The following PTPRN2 variants were observed in gnomAD, a reference collection of about 807,000 sequenced individuals.
PTPRN2 encodes protein tyrosine phosphatase receptor type N2.
In PTPRN2, 74 loss-of-function variants were observed where a neutral mutation model predicts 118.8. The observed-to-expected ratio is 0.62, with a 90% CI of 0.52 to 0.76. PTPRN2 has a LOEUF of 0.76. PTPRN2 is among the 30% of genes least tolerant of loss of function. The probability of loss-of-function intolerance (pLI) is 0.00; values close to 1 mark genes in which losing one functional copy is unlikely to be tolerated. For missense variants in PTPRN2, 1,481 were observed against 1,394.4 expected (o/e 1.06, Z -0.99); for synonymous variants, 641 against 608.0 (o/e 1.05, Z -0.80).
chr7:157,712,751 C>CAA lies in PTPRN2; in HGVS notation c.1789-29816_1789-29815dup, dbSNP rs755055515. Among the ~76,000 whole-genome samples, 542 of 89,484 alleles carry CAA rather than the reference C, an allele frequency of 6.1e-3. 4 individuals are homozygous for CAA. The highest frequency in any genetic ancestry group is 0.023 in the African/African-American group (479 of 21,240). 58.7% of individuals were successfully genotyped at this position (89,484 alleles called of 152,430 possible). On this transcript the variant is annotated intron_variant, in intron 12 of 22. Transcript: ENST00000389418. ...GGGCTGTGAGAGTGAAACTCCATCT[C>CAA]AAAAAAAAAAAAAAAAAAAAAAAGG... is the stretch of plus-strand genomic sequence containing the variant.
chr7:158,431,193 C>T (rs1255190891), intron 2 of PTPRN2, among the ~76,000 whole-genome samples: 7 of 151,838 alleles, frequency 4.6e-5, no homozygotes, highest in African/African-American at 1.5e-4. Flanking sequence ...TGCCTCACAG[C>T]GGGCTCACAC....
At chr7:157,873,500 G>A (rs995654955) in intron 12 of PTPRN2, among the ~76,000 whole-genome samples, 2 of 151,478 alleles carry the variant, frequency 1.3e-5, no homozygotes, top group Non-Finnish European at 2.9e-5. Context: ...GGTCCGTCTC[G>A]CCGTGGGGGC....
intron 3 of PTPRN2, among the ~76,000 whole-genome samples, chr7:158,230,276 GA>G (rs556544778): frequency 6.6e-6 from 1 of 151,678 alleles, no homozygotes; most frequent in Non-Finnish European, 1.5e-5. Context: ...CAGTCTGAAA[GA>G]AAAAAAAGTA....
chr7:158,310,753 C>T (rs1383357927), intron 3 of PTPRN2, among the ~76,000 whole-genome samples: 16 of 145,004 alleles, frequency 1.1e-4, no homozygotes, highest in African/African-American at 4.0e-4. Context: ...AGCCCTGAGC[C>T]GGACAGAGCG....
Position 157,787,159 on chromosome 7 carries a change from G to T in PTPRN2, c.1789-104222C>A, listed in dbSNP as rs1171356016. ...GTGGCTGCCCGGGAGGCGGACGCGG[G>T]TGCGGCGGGGGACGCGGGGGTGGCT... On this transcript the variant is annotated intron_variant, in intron 12 of 22. Transcript: ENST00000389418. The surrounding 1 kb of genome is among the most constrained non-coding windows in gnomAD (Gnocchi z 5.3). 9.5e-5 allele frequency among the ~76,000 whole-genome samples: 14 copies of T among 147,944 alleles called. No individual in the cohort carries two copies. Among genetic ancestry groups the T allele is most frequent in the African/African-American group, 3.0e-4 (12 of 40,596 alleles).
intron 11 of PTPRN2, among the ~76,000 whole-genome samples, chr7:157,911,180 G>A (rs1563232001): frequency 6.6e-6 from 1 of 152,174 alleles, no homozygotes; most frequent in Admixed American, 6.5e-5. Context: ...CTGACCACCC[G>A]AAGGAAGAGA....
chr7:157,584,524 T>TA (rs1307572579), intron 17 of PTPRN2, among the ~76,000 whole-genome samples: 5 of 152,340 alleles, frequency 3.3e-5, no homozygotes, highest in South Asian at 4.2e-4. Context: ...GTTCAGTTTT[T>TA]AAAAAAACAA....
At chr7:157,579,253 G>C (rs962964869) in intron 17 of PTPRN2, among the ~76,000 whole-genome samples, 3 of 152,094 alleles carry the variant, frequency 2.0e-5, no homozygotes, top group African/African-American at 7.2e-5. Flanking sequence ...CATTTACATC[G>C]GAAGCCAATG....
At chr7:158,576,295 C>G (rs111430397) in intron 1 of PTPRN2, among the ~76,000 whole-genome samples, 1,954 of 152,344 alleles carry the variant, frequency 0.013, 44 homozygotes, top group African/African-American at 0.045. Flanking sequence ...AGACCACACT[C>G]GTTTTGCAAG....
At position 158,330,857 on chromosome 7, in the gene PTPRN2, C is replaced by T. The variant is rs67611944; in HGVS notation, c.164-13925G>A. On this transcript the variant is annotated intron_variant, in intron 2 of 22. Coordinates refer to ENST00000389418, the MANE Select transcript of PTPRN2 (RefSeq NM_002847.5). ...CACATCCACATTCTCACCATAAGAGCTGATGCCCGCAGACGTCATTCACAC... is the reference window on the plus strand; with the variant it reads ...CACATCCACATTCTCACCATAAGAGTTGATGCCCGCAGACGTCATTCACAC... Among the ~76,000 whole-genome samples, 5 of 93,764 alleles carry T rather than the reference C, an allele frequency of 5.3e-5. No homozygotes were observed. In the South Asian group the frequency reaches 2.3e-3, roughly 44 times the overall value. 61.5% of individuals were successfully genotyped at this position (93,764 alleles called of 152,430 possible).
rs781360021 is a variant in PTPRN2, at chr7:158,316,942, G to A, written c.164-10C>T. 1.9e-6 allele frequency: 3 copies of A among 1,593,896 alleles called. No homozygotes were observed. The highest frequency in any genetic ancestry group is 2.2e-5 in the East Asian group (1 of 44,750). On this transcript the variant is annotated splice_polypyrimidine_tract_variant and intron_variant, in intron 2 of 22. Coordinates refer to ENST00000389418, the MANE Select transcript of PTPRN2 (RefSeq NM_002847.5). ...CTTCCAAACACTCCATCTGTGAGAA[G>A]GGAAGGAGATAAGACAGAACGAGAC...
intron 12 of PTPRN2, among the ~76,000 whole-genome samples, chr7:157,699,436 T>G (rs1019694939): frequency 7.9e-5 from 12 of 152,292 alleles, no homozygotes; most frequent in Admixed American, 7.2e-4. Context: ...TTTCTTTTCT[T>G]TTTTTTCTTT....
At chr7:158,394,818 C>A (rs1445052231) in intron 2 of PTPRN2, among the ~76,000 whole-genome samples, 1 of 152,214 alleles carries the variant, frequency 6.6e-6, no homozygotes, top group Non-Finnish European at 1.5e-5. Flanking sequence ...GACCCGACAC[C>A]CTCACCTCCT....
rs1001617036 is a variant in PTPRN2 at position 158,526,158 on chromosome 7, A to T, written c.113-36373T>A. ...AAGGGCCCGCTCTGGGGGGAGCCAC[A>T]TCAGGCAGACACACGGCTCCTGGTG... On this transcript the variant is annotated intron_variant, in intron 1 of 22. Coordinates refer to ENST00000389418, the MANE Select transcript of PTPRN2 (RefSeq NM_002847.5). The surrounding 1 kb of genome is among the most constrained non-coding windows in gnomAD (Gnocchi z 5.2). Among the ~76,000 whole-genome samples, 5 of 152,130 alleles carry T rather than the reference A, an allele frequency of 3.3e-5. No homozygotes were observed. The highest frequency in any genetic ancestry group is 1.2e-4 in the African/African-American group (5 of 41,442).
At chr7:158,051,620 G>A (rs1451850018) in intron 11 of PTPRN2, among the ~76,000 whole-genome samples, 2 of 152,230 alleles carry the variant, frequency 1.3e-5, no homozygotes, top group East Asian at 1.9e-4. Flanking sequence ...CTCCCCCGGC[G>A]AGCGCCCGCC....
intron 12 of PTPRN2, among the ~76,000 whole-genome samples, chr7:157,795,177 T>G (rs1259997228): frequency 6.8e-6 from 1 of 146,048 alleles, no homozygotes; most frequent in Non-Finnish European, 1.5e-5. Flanking sequence ...CGGGGGGGGC[T>G]CAAGCTAAAA....
At chr7:157,827,888 T>C (rs1447639456) in intron 12 of PTPRN2, among the ~76,000 whole-genome samples, 1 of 152,180 alleles carries the variant, frequency 6.6e-6, no homozygotes, top group African/African-American at 2.4e-5. Flanking sequence ...CGTTCTGATT[T>C]TGTTTTTTTT....
chr7:157,559,050 C>G (rs185390852), intron 21 of PTPRN2, among the ~76,000 whole-genome samples: 1 of 152,232 alleles, frequency 6.6e-6, no homozygotes, highest in African/African-American at 2.4e-5. Context: ...CCTTCCCACA[C>G]GCACGTTCTG....
intron 11 of PTPRN2, among the ~76,000 whole-genome samples, chr7:158,047,585 C>T (rs1585267023): frequency 1.3e-5 from 2 of 152,028 alleles, no homozygotes; most frequent in African/African-American, 4.8e-5. Context: ...CCTGCAGTCA[C>T]TGAGAGTGCA....
Sources: allele counts gnomAD v4.1 joint callset (sites outside exome capture counted in the v4.1 genomes callset), GRCh38; gene constraint gnomAD v4.1.1; non-coding constraint Gnocchi (gnomAD v3.1); transcripts MANE v1.5; gene names NCBI Gene and HGNC (gene_info 2026-07-23, HGNC 2026-07-21).